Variants in PMFBP1 observed in about 807,000 individuals in gnomAD.
PMFBP1 encodes the protein polyamine modulated factor 1 binding protein 1.
A neutral mutation model predicts 137.8 loss-of-function variants in PMFBP1; 131 were observed. That is an observed-to-expected ratio of 0.95 (90% CI 0.82 to 1.10). PMFBP1 has a LOEUF of 1.10. PMFBP1 is among the 50% of genes least tolerant of loss of function. PMFBP1 has a pLI of 0.00. For missense variants in PMFBP1, 1,199 were observed against 1,175.4 expected, an observed-to-expected ratio of 1.02 and a Z score of -0.29; for synonymous variants, 490 against 450.4, an observed-to-expected ratio of 1.09 and a Z score of -1.11.
rs2042353635 is a variant in PMFBP1 at position 72,120,030 on chromosome 16, A to G, written c.2828T>C (p.Ile943Thr). 3 of 1,613,814 alleles carry G rather than the reference A, an allele frequency of 1.9e-6. No individual in the cohort carries two copies. Among genetic ancestry groups the G allele is most frequent in the Admixed American group, 1.7e-5 (1 of 59,988 alleles). ...QQENKKLKKE[I>T]EEKKMKAENT... Reference sequence around the variant, plus strand: ...CTCGGCTTTCATCTTCTTCTCTTCTATCTCCTTCTTCAGCTTCTTGTTTTC... The same window carrying G: ...CTCGGCTTTCATCTTCTTCTCTTCTGTCTCCTTCTTCAGCTTCTTGTTTTC... Residue 943 changes from isoleucine (I) to threonine (T), a missense_variant, in exon 20 of 21, where the codon ATA (isoleucine) becomes ACA (threonine). Transcript: ENST00000237353.
chr16:72,205,493 A>G, the PMFBP1 span, among the ~76,000 whole-genome samples: 1 of 152,214 alleles, frequency 6.6e-6, no homozygotes, highest in South Asian at 2.1e-4. Context: ...AACCCCTGTG[A>G]GCATCCTGGA....
chr16:72,143,694 G>T (rs1238605115), intron 5 of PMFBP1, among the ~76,000 whole-genome samples: 1 of 151,588 alleles, frequency 6.6e-6, no homozygotes, highest in African/African-American at 2.4e-5. Context: ...AGTGAGCAGA[G>T]ATTGCCTCAC....
At chr16:72,211,635 G>T in the PMFBP1 span, among the ~76,000 whole-genome samples, 1 of 152,180 alleles carries the variant, frequency 6.6e-6, no homozygotes, top group African/African-American at 2.4e-5. Flanking sequence ...TCTTTAGAGA[G>T]ATTTGAGAAG....
intron 20 of PMFBP1, chr16:72,119,633 T>C: frequency 6.9e-7 from 1 of 1,443,942 alleles, no homozygotes; most frequent in East Asian, 2.5e-5. Context: ...GTCTGAGATG[T>C]GAGGCACTTG....
chr16:72,119,715 C>T lies in PMFBP1; in HGVS notation c.3007+136G>A, dbSNP rs1336541238. On this transcript the variant is annotated intron_variant, in intron 20 of 20. Coordinates refer to ENST00000237353, the MANE Select transcript of PMFBP1 (RefSeq NM_031293.3). ...CCTCCCTTTACAGATGTGAAAACAA[C>T]GATCTTTGGTCCAAAGTCGCTAAGA... 38 of 1,493,880 alleles carry T rather than the reference C, an allele frequency of 2.5e-5. No individual in the cohort carries two copies. The Admixed American group carries it at 3.5e-4, about 14-fold the overall frequency. The allele number at this position is 1,493,880 out of a possible 1,614,324, so 92.5% of individuals were successfully genotyped here. A position where few individuals can be genotyped will look rare whatever the true frequency, so the allele number is the denominator to read the frequency against.
chr16:72,145,386 G>A (rs981677229), intron 5 of PMFBP1, among the ~76,000 whole-genome samples: 3 of 152,208 alleles, frequency 2.0e-5, no homozygotes, highest in African/African-American at 7.2e-5. Flanking sequence ...AAAGCAGTGT[G>A]TAGAGGGAAA....
chr16:72,122,898 G>T lies in PMFBP1; in HGVS notation c.2768+16C>A, dbSNP rs1239378315. 6 of 1,610,428 alleles carry T rather than the reference G, an allele frequency of 3.7e-6. No individual in the cohort carries two copies. The Admixed American group carries it at 6.7e-5, about 18-fold the overall frequency. On this transcript the variant is annotated intron_variant, in intron 19 of 20. Coordinates refer to ENST00000237353, the MANE Select transcript of PMFBP1 (RefSeq NM_031293.3). ...CAGCTCCCAGGAAGCAGCCAGGGTG[G>T]TTTAAGATGACTTACTCCTTTTCGC...
At chr16:72,135,252 T>C (rs548996487) in intron 9 of PMFBP1, among the ~76,000 whole-genome samples, 48 of 152,126 alleles carry the variant, frequency 3.2e-4, no homozygotes, top group Admixed American at 9.8e-4. Flanking sequence ...TCTTGGCTCA[T>C]TGCAACCTCC....
chr16:72,136,565 C>A lies in PMFBP1; in HGVS notation c.1086G>T (p.Glu362Asp). ...KLELDLHGLR[E>D]ETSAHIERKD... ...TCCTCTCAATGTGGGCAGATGTCTC[C>A]TCCCGCAGTCCGTGCAGGTCCAGCT... The change falls in exon 9 of 21, where the codon GAG (glutamate) becomes GAT (aspartate). Residue 362 changes from glutamate to aspartate, a missense_variant. Coordinates refer to ENST00000237353, the MANE Select transcript of PMFBP1 (RefSeq NM_031293.3). 1 of 1,614,054 alleles carries A rather than the reference C, an allele frequency of 6.2e-7. No homozygotes were observed. Among genetic ancestry groups the A allele is most frequent in the Middle Eastern group, 1.6e-4 (1 of 6,062 alleles).
At chr16:72,127,658 G>A (rs746479753) in intron 14 of PMFBP1, among the ~76,000 whole-genome samples, 1 of 152,178 alleles carries the variant, frequency 6.6e-6, no homozygotes, top group African/African-American at 2.4e-5. Flanking sequence ...GAACCAAGAA[G>A]TTCTAGTAAA....
chr16:72,149,754 T>A (rs952504923), intron 5 of PMFBP1, among the ~76,000 whole-genome samples: 6 of 152,080 alleles, frequency 3.9e-5, no homozygotes, highest in African/African-American at 1.4e-4. Context: ...ACCTGGGAGA[T>A]GGAGGCCTCA....
chr16:72,125,452 C>T (rs2042441786), intron 15 of PMFBP1, 47 bp from the exon 16 acceptor site: 1 of 1,588,826 alleles, frequency 6.3e-7, no homozygotes, highest in African/African-American at 1.4e-5. Flanking sequence ...AGACTTTGAC[C>T]CTCTCTGCTG....
intron 5 of PMFBP1, among the ~76,000 whole-genome samples, chr16:72,144,405 ACT>A (rs2042772856): frequency 6.6e-6 from 1 of 152,000 alleles, no homozygotes. Context: ...TCACTAAAAA[ACT>A]CTGACACTGG....
the PMFBP1 span, among the ~76,000 whole-genome samples, chr16:72,189,748 T>A: frequency 6.6e-6 from 1 of 152,160 alleles, no homozygotes; most frequent in African/African-American, 2.4e-5. Context: ...AAGACAGAGT[T>A]TAATTAATGC....
In PMFBP1 at chr16:72,136,698, A is replaced by C. The variant is rs1054991944; in HGVS notation, c.1040T>G (p.Met347Arg). The C allele has an allele frequency of 2.5e-6, 4 of 1,613,792 alleles. No homozygotes were observed. Among genetic ancestry groups the C allele is most frequent in the Middle Eastern group, 1.6e-4 (1 of 6,062 alleles). Reference protein sequence around the residue: ...EAVSEQKRNIMKDMMKLELDL... With the variant: ...EAVSEQKRNIRKDMMKLELDL... Reference sequence around the variant, plus strand: ...AGCCTGCAGCCCCAGTTTACCCTTCATGATGTTTCTCTTCTGTTCCGACAC... The same window carrying C: ...AGCCTGCAGCCCCAGTTTACCCTTCCTGATGTTTCTCTTCTGTTCCGACAC... Residue 347 changes from methionine to arginine, a missense_variant, in exon 8 of 21, where the codon ATG (methionine) becomes AGG (arginine). Met to Arg is a moderately conservative substitution (Grantham distance 91). Transcript: ENST00000237353.
At chr16:72,116,695 C>CTT (rs34017039), downstream of PMFBP1, among the ~76,000 whole-genome samples, 61,021 of 151,884 alleles carry the variant, frequency 0.4, 13,174 homozygotes, top group African/African-American at 0.57. Context: ...CAGCTTTATT[C>CTT]TTTTGCATGC....
intron 19 of PMFBP1, among the ~76,000 whole-genome samples, chr16:72,121,338 T>C (rs11647069): frequency 0.28 from 42,062 of 152,018 alleles, 6,154 homozygotes; most frequent in Non-Finnish European, 0.32. Context: ...TGCCCTCCTT[T>C]CCCGGCTCTC....
upstream of PMFBP1, among the ~76,000 whole-genome samples, chr16:72,175,901 T>C (rs2043257721): frequency 6.6e-6 from 1 of 152,212 alleles, no homozygotes; most frequent in Admixed American, 6.5e-5. Context: ...TGTATACTAA[T>C]TATTTCTACC....
chr16:72,171,419 G>C (rs2043218998), intron 1 of PMFBP1, 151 bp from the exon 2 acceptor site: 1 of 520,392 alleles, frequency 1.9e-6, no homozygotes, highest in African/African-American at 1.9e-5. Flanking sequence ...ATCTGTTTGT[G>C]TTTTTAAAAG....
Sources: gnomAD v4.1 joint callset for allele counts (sites outside exome capture counted in the v4.1 genomes callset) on GRCh38, gnomAD v4.1.1 for gene constraint, MANE v1.5 for transcripts, NCBI Gene and HGNC (gene_info 2026-07-23, HGNC 2026-07-21) for gene names.